The following NFIB variants were observed in gnomAD, a reference collection of about 807,000 sequenced individuals.
NFIB encodes nuclear factor I B.
A neutral mutation model predicts 61.5 loss-of-function variants in NFIB; 11 were observed. The observed-to-expected ratio is 0.18, with a 90% CI of 0.11 to 0.30. The LOEUF (loss-of-function observed/expected upper bound fraction) is 0.30. NFIB is among the 10% of genes least tolerant of loss of function. The pLI is 1.00. For synonymous variants in NFIB, 260 were observed against 216.5 expected (o/e 1.20, Z -1.76); for missense variants, 471 against 608.9 (o/e 0.77, Z 2.38).
At chr9:14,337,120 T>TA (rs2060894822) in intron 1 of NFIB, among the ~76,000 whole-genome samples, 1 of 152,222 alleles carries the variant, frequency 6.6e-6, no homozygotes, top group South Asian at 2.1e-4. Flanking sequence ...CAGGTTCTAT[T>TA]TGGCTTGTGG....
intron 2 of NFIB, chr9:14,180,753 C>T (rs2046676435): frequency 6.6e-6 from 1 of 152,214 alleles, no homozygotes; most frequent in Non-Finnish European, 1.5e-5. Flanking sequence ...GGCAGAGATT[C>T]TGTCTACTTC....
At chr9:14,185,856 A>C (rs1202893858) in intron 2 of NFIB, among the ~76,000 whole-genome samples, 2 of 152,216 alleles carry the variant, frequency 1.3e-5, no homozygotes, top group African/African-American at 4.8e-5. Context: ...ATTTGGAAAC[A>C]AGATAGGGTG....
At chr9:14,315,661 C>G (rs1010505858), upstream of NFIB, among the ~76,000 whole-genome samples, 4 of 149,816 alleles carry the variant, frequency 2.7e-5, no homozygotes, top group Non-Finnish European at 4.5e-5. Flanking sequence ...CCCCGTCGCC[C>G]GTGCAGGCTC....
At chr9:14,252,622 T>C (rs1004232015) in intron 2 of NFIB, among the ~76,000 whole-genome samples, 6 of 151,726 alleles carry the variant, frequency 4.0e-5, no homozygotes, top group African/African-American at 9.7e-5. Context: ...TAAAAGACAA[T>C]ACATGTTTCA....
At chr9:14,496,180 T>A in the NFIB span, among the ~76,000 whole-genome samples, 25 of 152,356 alleles carry the variant, frequency 1.6e-4, no homozygotes, top group African/African-American at 6.0e-4. Context: ...TCAAATTTTT[T>A]ATTTTTATCT....
the NFIB span, among the ~76,000 whole-genome samples, chr9:14,463,822 G>T: frequency 6.6e-6 from 1 of 151,650 alleles, no homozygotes; most frequent in African/African-American, 2.4e-5. Context: ...CACCAAGCCC[G>T]GCTAATTTTT....
intron 2 of NFIB, among the ~76,000 whole-genome samples, chr9:14,297,580 A>C (rs1174771965): frequency 2.0e-5 from 3 of 152,262 alleles, no homozygotes; most frequent in Non-Finnish European, 1.5e-5. Flanking sequence ...GATATTTTCT[A>C]GATGGGAATG....
the NFIB span, among the ~76,000 whole-genome samples, chr9:14,511,075 T>A: frequency 6.6e-6 from 1 of 152,220 alleles, no homozygotes; most frequent in Non-Finnish European, 1.5e-5. Context: ...AGATTTTTGA[T>A]AAATATTGCC....
At chr9:14,251,594 G>A (rs902866134) in intron 2 of NFIB, among the ~76,000 whole-genome samples, 2 of 152,158 alleles carry the variant, frequency 1.3e-5, no homozygotes, top group African/African-American at 4.8e-5. Context: ...AAGTGGTATC[G>A]GTGAACTAGG....
intron 2 of NFIB, among the ~76,000 whole-genome samples, chr9:14,230,866 A>G (rs2053044729): frequency 6.6e-6 from 1 of 151,974 alleles, no homozygotes; most frequent in Non-Finnish European, 1.5e-5. Context: ...CCTGAGACTG[A>G]CTAGCCTACT....
chr9:14,201,024 C>T (rs1486099364), intron 2 of NFIB, among the ~76,000 whole-genome samples: 3 of 152,182 alleles, frequency 2.0e-5, no homozygotes, highest in Non-Finnish European at 4.4e-5. Flanking sequence ...CAAAGCTTCA[C>T]ATTCAGTTGT....
intron 1 of NFIB, among the ~76,000 whole-genome samples, chr9:14,320,631 C>T (rs2060638210): frequency 6.6e-6 from 1 of 152,190 alleles, no homozygotes; most frequent in Admixed American, 6.5e-5. Flanking sequence ...ATTGTAAATA[C>T]ACTGGAAAGT....
intron 10 of NFIB, among the ~76,000 whole-genome samples, chr9:14,090,498 C>A (rs905715464): frequency 6.6e-6 from 1 of 152,048 alleles, no homozygotes; most frequent in African/African-American, 2.4e-5. Context: ...ATATCTCTAT[C>A]TGGGATTATC....
intron 6 of NFIB, among the ~76,000 whole-genome samples, chr9:14,144,222 T>A (rs1442128554): frequency 3.3e-5 from 5 of 152,288 alleles, no homozygotes; most frequent in African/African-American, 1.2e-4. Context: ...TGATTTGAGA[T>A]TGGCTTTATT....
intron 3 of NFIB, among the ~76,000 whole-genome samples, chr9:14,157,975 G>C (rs1341197225): frequency 6.6e-6 from 1 of 151,824 alleles, no homozygotes; most frequent in Non-Finnish European, 1.5e-5. Context: ...GCCGGGCATG[G>C]TGGCGGGCAC....
chr9:14,531,076 T>C, the NFIB span, among the ~76,000 whole-genome samples: 3 of 152,172 alleles, frequency 2.0e-5, 1 homozygote, highest in African/African-American at 4.8e-5. Context: ...AATCAGTATG[T>C]TGAAATTTAT....
chr9:14,399,574 G>A (rs1225940455), upstream of NFIB, among the ~76,000 whole-genome samples: 1 of 152,176 alleles, frequency 6.6e-6, no homozygotes, highest in Middle Eastern at 3.4e-3. Context: ...ACGTTGCAAA[G>A]AATTATAAAT....
rs1429075348 is a variant in NFIB at position 14,361,486 on chromosome 9, T to C, written c.108+37038A>G. On this transcript the variant is annotated intron_variant, in intron 1 of 8. Coordinates refer to the NFIB transcript ENST00000380934. ...AAGAGAATTGTTCTGAATATTTTCA[T>C]GAACAAGCAAGCAAACCACATCACA... 10 of 152,338 alleles carry C rather than the reference T, an allele frequency of 6.6e-5. No individual in the cohort carries two copies. The East Asian group carries it at 1.9e-3, about 29-fold the overall frequency. 9.4% of individuals were successfully genotyped at this position (152,338 alleles called of 1,614,324 possible). A position where few individuals can be genotyped will look rare whatever the true frequency, so the allele number is the denominator to read the frequency against.
chr9:14,259,780 T>C (rs1587983573), intron 2 of NFIB, among the ~76,000 whole-genome samples: 1 of 152,054 alleles, frequency 6.6e-6, no homozygotes, highest in African/African-American at 2.4e-5. Flanking sequence ...TGGCGGGCAC[T>C]TGTAATCCCA....
Sources: allele counts gnomAD v4.1 joint callset (sites outside exome capture counted in the v4.1 genomes callset), GRCh38; gene constraint gnomAD v4.1.1; transcripts MANE v1.5; gene names NCBI Gene and HGNC (gene_info 2026-07-23, HGNC 2026-07-21).